The following BMPER variants were observed in gnomAD, a reference collection of about 807,000 sequenced individuals.
BMPER encodes BMP binding endothelial regulator.
BMPER carries 45 observed loss-of-function variants against 87.3 expected under a neutral mutation model. The ratio of observed to expected loss-of-function variants is 0.52; its 90% CI spans 0.41 to 0.66. The LOEUF is 0.66. Ranked by LOEUF, BMPER falls within the 30% of genes least tolerant of loss-of-function variation. The pLI is 0.00. For missense variants in BMPER, 784 were observed against 867.5 expected, an observed-to-expected ratio of 0.90 and a Z score of 1.21; for synonymous variants, 326 against 316.2, an observed-to-expected ratio of 1.03 and a Z score of -0.33.
At chr7:34,146,949 A>G (rs1583481862) in intron 14 of BMPER, among the ~76,000 whole-genome samples, 2 of 152,144 alleles carry the variant, frequency 1.3e-5, no homozygotes, top group South Asian at 2.1e-4. Context: ...CTGACTCTAA[A>G]TGTGTTGTGA....
In BMPER at chr7:34,078,962, C is replaced by T. The variant is rs1482812474; in HGVS notation, c.1184C>T (p.Ser395Phe). 3 of 1,614,236 alleles carry T rather than the reference C, an allele frequency of 1.9e-6. No individual in the cohort carries two copies. The highest frequency in any genetic ancestry group is 1.7e-5 in the Admixed American group (1 of 60,028). Residue 395 changes from serine (S) to phenylalanine (F), a missense_variant, in exon 12 of 15, where the codon TCC becomes TTC. Transcript: ENST00000649409. ...TCQYVLTKDCSSPASPFQVLV... is the reference protein window; with the variant it reads ...TCQYVLTKDCFSPASPFQVLV... ...CAGTACGTTTTGACAAAAGACTGCTCCTCCCCTGCCTCGCCCTTCCAGGTG... is the reference window on the plus strand; with the variant it reads ...CAGTACGTTTTGACAAAAGACTGCTTCTCCCCTGCCTCGCCCTTCCAGGTG...
rs114484347 is a variant in BMPER, at chr7:34,015,566, A to G, written c.577-30740A>G. Among the ~76,000 whole-genome samples the G allele has an allele frequency of 8.5e-3, 1,286 of 151,988 alleles. 24 individuals carry two copies. Among genetic ancestry groups the G allele is most frequent in the African/African-American group, 0.03 (1,228 of 41,514 alleles). ...CCTGTGACAGAGCTTCCAACTTTCT[A>G]TTGGTGAGATGAAAAGAGCAGAAAG... is the stretch of plus-strand genomic sequence containing the variant. On this transcript the variant is annotated intron_variant, in intron 6 of 14. Transcript: ENST00000649409.
chr7:33,927,712 C>T (rs1291733893), intron 2 of BMPER, among the ~76,000 whole-genome samples: 2 of 152,068 alleles, frequency 1.3e-5, no homozygotes, highest in Non-Finnish European at 2.9e-5. Context: ...AAATCCCTAC[C>T]AACCTGGCCA....
intron 6 of BMPER, among the ~76,000 whole-genome samples, chr7:34,014,753 T>C (rs1252790946): frequency 6.6e-6 from 1 of 151,994 alleles, no homozygotes; most frequent in Non-Finnish European, 1.5e-5. Flanking sequence ...TATTTTTATA[T>C]GTTCACTAAA....
At chr7:34,137,535 G>T (rs78709061) in intron 13 of BMPER, among the ~76,000 whole-genome samples, 1 of 152,286 alleles carries the variant, frequency 6.6e-6, no homozygotes, top group East Asian at 1.9e-4. Flanking sequence ...CTTGTCCCCC[G>T]GAAAGAAAAG....
At chr7:34,150,873 A>G (rs771365561) in intron 14 of BMPER, among the ~76,000 whole-genome samples, 7 of 152,182 alleles carry the variant, frequency 4.6e-5, no homozygotes, top group Non-Finnish European at 8.8e-5. Flanking sequence ...AGAGAGAAAG[A>G]CTATGAGAGG....
intron 13 of BMPER, among the ~76,000 whole-genome samples, chr7:34,131,427 C>G (rs1327166438): frequency 6.6e-6 from 1 of 152,178 alleles, no homozygotes; most frequent in Non-Finnish European, 1.5e-5. Flanking sequence ...AAAAAGTTCA[C>G]CACTGTACCG....
At chr7:34,126,042 G>A (rs1790393734) in intron 13 of BMPER, among the ~76,000 whole-genome samples, 1 of 152,202 alleles carries the variant, frequency 6.6e-6, no homozygotes. Context: ...TATTTGGGGA[G>A]TGCCACCAAA....
chr7:34,108,224 A>G lies in BMPER; in HGVS notation c.1745+22132A>G, dbSNP rs185858864. Among the ~76,000 whole-genome samples, 4 of 152,202 alleles carry G rather than the reference A, an allele frequency of 2.6e-5. No individual in the cohort carries two copies. The East Asian group carries it at 7.7e-4, about 29-fold the overall frequency. On this transcript the variant is annotated intron_variant, in intron 13 of 14. Coordinates refer to ENST00000649409, the MANE Select transcript of BMPER (RefSeq NM_001365308.1). The stretch of plus-strand genomic sequence containing the variant: ...AGATTGTTTGTCTTTCGATATACTG[A>G]TCCCTGGCAGATTAGACCTACATGG...
intron 14 of BMPER, among the ~76,000 whole-genome samples, chr7:34,144,746 A>G (rs1451381357): frequency 6.6e-6 from 1 of 152,176 alleles, no homozygotes; most frequent in Non-Finnish European, 1.5e-5. Flanking sequence ...AAATGACTGA[A>G]TAGTTGTCAC....
chr7:34,115,060 A>G (rs1378794012), intron 13 of BMPER, among the ~76,000 whole-genome samples: 1 of 152,266 alleles, frequency 6.6e-6, no homozygotes, highest in African/African-American at 2.4e-5. Flanking sequence ...CAATTACTCA[A>G]GAGTGAATTA....
Position 34,085,994 on chromosome 7 carries a change from AGT to A in BMPER, c.1648_1649del (p.Val550GlnfsTer40), listed in dbSNP as rs1316675443. ...KPVPELCQGT[V>X]KVKLRAHREC... ...CAGTGCCTGAACTGTGTCAAGGGACAGTCAAGGTAAAGCTCCGGGCCCATCGA... is the reference window on the plus strand; with the variant it reads ...CAGTGCCTGAACTGTGTCAAGGGACACAAGGTAAAGCTCCGGGCCCATCGA... On this transcript the variant is annotated frameshift_variant, in exon 13 of 15. Coordinates refer to ENST00000649409, the MANE Select transcript of BMPER (RefSeq NM_001365308.1). LOFTEE classifies it high-confidence loss of function. 1 of 1,614,092 alleles carries A rather than the reference AGT, an allele frequency of 6.2e-7. No homozygotes were observed. Among genetic ancestry groups the A allele is most frequent in the Non-Finnish European group, 8.5e-7 (1 of 1,180,044 alleles).
rs568128356 is a variant in BMPER at position 33,964,196 on chromosome 7, T to C, written c.320-2283T>C. 8.5e-5 allele frequency among the ~76,000 whole-genome samples: 13 copies of C among 152,220 alleles called. No individual in the cohort carries two copies. The South Asian group carries it at 2.7e-3, about 32-fold the overall frequency. On this transcript the variant is annotated intron_variant, in intron 3 of 14. Transcript: ENST00000649409. ...AGTGATGAGAATGTCCTTTCTTTAATTATCTTTTTTTCTGAGAGTCCTTAC... is the reference window on the plus strand; with the variant it reads ...AGTGATGAGAATGTCCTTTCTTTAACTATCTTTTTTTCTGAGAGTCCTTAC...
At position 34,078,864 on chromosome 7, in the gene BMPER, C is replaced by T. The variant is rs116085783; in HGVS notation, c.1086C>T (p.Gly362=). The T allele has an allele frequency of 1.4e-3, 2,268 of 1,614,084 alleles. 24 individuals carry two copies. The African/African-American group carries it at 0.025, about 18-fold the overall frequency. ...GCCPICTEKP[G]VCTVFGDPHY... is the part of the protein sequence containing the mutation. ...TCTCTCACTCCTCCGCAGAGCCCGG[C>T]GTTTGCACGGTGTTTGGAGATCCCC... Residue 362 remains glycine (G), a synonymous_variant, in exon 12 of 15, where the codon GGC becomes GGT. Transcript: ENST00000649409.
intron 7 of BMPER, among the ~76,000 whole-genome samples, chr7:34,048,209 A>G (rs1274691443): frequency 1.3e-5 from 2 of 151,960 alleles, no homozygotes; most frequent in Admixed American, 6.6e-5. Context: ...CATGAAGTCT[A>G]TTTTTTTATG....
intron 13 of BMPER, among the ~76,000 whole-genome samples, chr7:34,125,007 A>C (rs541573539): frequency 7.2e-5 from 11 of 152,100 alleles, no homozygotes; most frequent in East Asian, 5.8e-4. Context: ...AAAAAAAAAA[A>C]CCCAGTATTT....
intron 3 of BMPER, among the ~76,000 whole-genome samples, chr7:33,961,124 G>A (rs1785261232): frequency 6.6e-6 from 1 of 152,142 alleles, no homozygotes; most frequent in Non-Finnish European, 1.5e-5. Context: ...AAAATCGCAG[G>A]TTGAGATCTT....
At chr7:34,095,197 C>T (rs1352282106) in intron 13 of BMPER, among the ~76,000 whole-genome samples, 2 of 152,080 alleles carry the variant, frequency 1.3e-5, no homozygotes, top group African/African-American at 4.8e-5. Flanking sequence ...ATCAACTCGC[C>T]CTCAGTGTGC....
intron 3 of BMPER, among the ~76,000 whole-genome samples, chr7:33,943,280 G>T (rs1784810059): frequency 6.6e-6 from 1 of 152,050 alleles, no homozygotes; most frequent in Non-Finnish European, 1.5e-5. Flanking sequence ...TAAATGGAAA[G>T]AAATGGTCTT....
Sources: gnomAD v4.1 joint callset for allele counts (sites outside exome capture counted in the v4.1 genomes callset) on GRCh38, gnomAD v4.1.1 for gene constraint, MANE v1.5 for transcripts, NCBI Gene and HGNC (gene_info 2026-07-23, HGNC 2026-07-21) for gene names.